The following GPHN variants were observed in gnomAD, a reference collection of about 807,000 sequenced individuals.
GPHN encodes the protein gephyrin.
In GPHN, 17 loss-of-function variants were observed where a neutral mutation model predicts 95.5. The observed-to-expected ratio is 0.18, with a 90% CI of 0.12 to 0.27. The LOEUF (loss-of-function observed/expected upper bound fraction) is 0.27. GPHN is among the 10% of genes least tolerant of loss of function. The pLI is 1.00. For synonymous variants in GPHN, 320 were observed against 322.5 expected, an observed-to-expected ratio of 0.99 and a Z score of 0.08; for missense variants, 660 against 978.1, an observed-to-expected ratio of 0.67 and a Z score of 4.34.
chr14:67,541,961 G>A, the GPHN span: 1 of 1,607,698 alleles, frequency 6.2e-7, no homozygotes, highest in East Asian at 2.2e-5. Context: ...CCGCCTACAG[G>A]CCAGCAAGAT....
At chr14:66,956,348 T>C (rs934924886) in intron 8 of GPHN, among the ~76,000 whole-genome samples, 1 of 152,238 alleles carries the variant, frequency 6.6e-6, no homozygotes, top group Non-Finnish European at 1.5e-5. Flanking sequence ...CCATTGGTTA[T>C]TTAAAAATGT....
the GPHN span, among the ~76,000 whole-genome samples, chr14:67,267,629 T>C: frequency 2.0e-5 from 3 of 152,202 alleles, no homozygotes; most frequent in African/African-American, 7.2e-5. Context: ...TTTTATAAGA[T>C]TTAGGTTTTA....
intron 18 of GPHN, among the ~76,000 whole-genome samples, chr14:67,150,063 AG>A (rs2081160766): frequency 6.6e-6 from 1 of 152,250 alleles, no homozygotes; most frequent in East Asian, 1.9e-4. Context: ...TAATCAATTC[AG>A]TTTAATATCA....
intron 2 of GPHN, among the ~76,000 whole-genome samples, chr14:66,737,035 T>C (rs1188940781): frequency 1.3e-5 from 2 of 152,218 alleles, no homozygotes; most frequent in African/African-American, 4.8e-5. Context: ...ATGGGAACCC[T>C]GGTTGGTTAT....
chr14:67,677,074 C>G, the GPHN span: 3 of 152,118 alleles, frequency 2.0e-5, no homozygotes, highest in Non-Finnish European at 4.4e-5. Flanking sequence ...TTTCCCCCAC[C>G]AAAGTTAAAA....
At chr14:67,049,641 T>C (rs1287241798) in intron 10 of GPHN, among the ~76,000 whole-genome samples, 1 of 151,644 alleles carries the variant, frequency 6.6e-6, no homozygotes. Flanking sequence ...GCCTCCCGAG[T>C]AGCTGGGACT....
chr14:66,699,365 A>G (rs952981253), intron 2 of GPHN, among the ~76,000 whole-genome samples: 11 of 151,990 alleles, frequency 7.2e-5, no homozygotes, highest in Middle Eastern at 3.4e-3. Flanking sequence ...ATTAAAATAA[A>G]TAAATAAAAG....
At chr14:67,194,529 A>G in the GPHN span, among the ~76,000 whole-genome samples, 1 of 152,028 alleles carries the variant, frequency 6.6e-6, no homozygotes, top group Admixed American at 6.6e-5. Context: ...CCCCCAAGAC[A>G]GAGTTTTGCT....
At chr14:67,675,735 G>T in the GPHN span, among the ~76,000 whole-genome samples, 1 of 152,106 alleles carries the variant, frequency 6.6e-6, no homozygotes, top group Non-Finnish European at 1.5e-5. Context: ...GCTTCATTAG[G>T]TCTCATCTGC....
chr14:67,526,399 C>T, the GPHN span, among the ~76,000 whole-genome samples: 4 of 152,226 alleles, frequency 2.6e-5, no homozygotes, highest in South Asian at 2.1e-4. Context: ...GCCAAGCTGA[C>T]GGTCTTTGCA....
At chr14:67,047,733 C>T (rs1201805325) in intron 10 of GPHN, among the ~76,000 whole-genome samples, 1 of 152,058 alleles carries the variant, frequency 6.6e-6, no homozygotes, top group Non-Finnish European at 1.5e-5. Context: ...ACCTGTAATC[C>T]TAACACTTTG....
intron 2 of GPHN, chr14:66,760,641 A>T (rs2058722872): frequency 2.4e-6 from 1 of 409,810 alleles, no homozygotes; most frequent in Admixed American, 3.3e-5. Flanking sequence ...TCTAAATGTT[A>T]TAAAAACGTT....
chr14:66,953,367 T>C (rs2068251317), intron 8 of GPHN, among the ~76,000 whole-genome samples: 1 of 152,120 alleles, frequency 6.6e-6, no homozygotes, highest in Non-Finnish European at 1.5e-5. Flanking sequence ...TTGTTGCTTG[T>C]ACTTTTGGTG....
At chr14:66,819,146 T>C (rs1308076027) in intron 3 of GPHN, among the ~76,000 whole-genome samples, 4 of 152,192 alleles carry the variant, frequency 2.6e-5, no homozygotes. Context: ...AGTTTCTTTG[T>C]CATGAATTCT....
chr14:67,299,359 A>G, the GPHN span, among the ~76,000 whole-genome samples: 1 of 111,920 alleles, frequency 8.9e-6, no homozygotes, highest in Admixed American at 1.1e-4. Context: ...TATATACCAA[A>G]GTGATTATCC....
At chr14:67,122,889 C>T (rs1327015292) in intron 17 of GPHN, among the ~76,000 whole-genome samples, 1 of 152,198 alleles carries the variant, frequency 6.6e-6, no homozygotes, top group Non-Finnish European at 1.5e-5. Flanking sequence ...ACTATAATTA[C>T]TCAATTTTTA....
chr14:67,547,779 C>A, the GPHN span, among the ~76,000 whole-genome samples: 1 of 151,872 alleles, frequency 6.6e-6, no homozygotes, highest in Non-Finnish European at 1.5e-5. Flanking sequence ...CTCCCTCGTA[C>A]AAAATTGTCA....
chr14:66,763,549 G>C (rs1476127501), intron 2 of GPHN, among the ~76,000 whole-genome samples: 6 of 151,380 alleles, frequency 4.0e-5, no homozygotes, highest in African/African-American at 1.2e-4. Flanking sequence ...TTTCATCCAT[G>C]TCCCTACAAA....
At chr14:66,692,061 G>A (rs916401778) in intron 2 of GPHN, among the ~76,000 whole-genome samples, 10 of 152,114 alleles carry the variant, frequency 6.6e-5, no homozygotes, top group South Asian at 6.2e-4. Context: ...TTTCTGGGGC[G>A]AAAGTCCTTA....
Sources: gnomAD v4.1 joint callset for allele counts (sites outside exome capture counted in the v4.1 genomes callset) on GRCh38, gnomAD v4.1.1 for gene constraint, MANE v1.5 for transcripts, NCBI Gene and HGNC (gene_info 2026-07-23, HGNC 2026-07-21) for gene names.